Variants in MAGI1 observed in about 807,000 individuals in gnomAD.
MAGI1 encodes the protein membrane associated guanylate kinase, WW and PDZ domain containing 1, also known as membrane-associated guanylate kinase, WW and PDZ domain-containing protein 1.
In MAGI1, 58 loss-of-function variants were observed where a neutral mutation model predicts 139.9. The ratio of observed to expected loss-of-function variants is 0.41; its 90% CI spans 0.34 to 0.52. The LOEUF (loss-of-function observed/expected upper bound fraction) is 0.52. MAGI1 is among the 20% of genes least tolerant of loss of function. The pLI is 0.12. For missense variants in MAGI1, 1,874 were observed against 1,901.6 expected (o/e 0.99, Z 0.27); for synonymous variants, 812 against 737.9 (o/e 1.10, Z -1.63).
At position 65,683,125 on chromosome 3, in the gene MAGI1, C is replaced by T. The variant is rs116548759; in HGVS notation, c.314-61037G>A. ...CTTGCTTGCTGCTGCTCACCTCCAG[C>T]TGTGCAGCCCAGTTCCTAACAGGCC... On this transcript the variant is annotated intron_variant, in intron 1 of 22. Transcript: ENST00000402939. 7.6e-3 allele frequency among the ~76,000 whole-genome samples: 1,162 copies of T among 152,228 alleles called. 10 individuals carry two copies. The highest frequency in any genetic ancestry group is 0.027 in the African/African-American group (1,125 of 41,530).
At chr3:65,616,209 TGGA>T (rs1279558111) in intron 2 of MAGI1, among the ~76,000 whole-genome samples, 2 of 104,296 alleles carry the variant, frequency 1.9e-5, no homozygotes, top group Non-Finnish European at 2.0e-5. Flanking sequence ...TACGTTTCAA[TGGA>T]GAAGGACAGG....
intron 1 of MAGI1, among the ~76,000 whole-genome samples, chr3:65,962,189 C>G (rs2064468103): frequency 6.8e-6 from 1 of 145,986 alleles, no homozygotes; most frequent in Non-Finnish European, 1.5e-5. Context: ...GTGGTGCGAT[C>G]TCCGTTCACT....
rs886715118 is a variant in MAGI1, at chr3:65,380,025, G to A, written c.2702-471C>T. Among the ~76,000 whole-genome samples the A allele has an allele frequency of 4.6e-5, 7 of 152,172 alleles. No homozygotes were observed. The South Asian group carries it at 6.2e-4, about 14-fold the overall frequency. On this transcript the variant is annotated intron_variant, in intron 16 of 22. Coordinates refer to ENST00000402939, the MANE Select transcript of MAGI1 (RefSeq NM_001033057.2). The stretch of plus-strand genomic sequence containing the variant: ...TTCCACCCAGCTTTTTCCATCAGGC[G>A]ACAAACAGTAAGGTGATGGTAACGT...
At chr3:65,822,928 A>C (rs1056556401) in intron 1 of MAGI1, among the ~76,000 whole-genome samples, 1 of 152,214 alleles carries the variant, frequency 6.6e-6, no homozygotes, top group African/African-American at 2.4e-5. Context: ...ACAATTTGAC[A>C]TGAGATTTGG....
intron 2 of MAGI1, among the ~76,000 whole-genome samples, chr3:65,595,989 A>C (rs2082177222): frequency 6.6e-6 from 1 of 152,204 alleles, no homozygotes; most frequent in Non-Finnish European, 1.5e-5. Context: ...TGATACCATT[A>C]AACTGCTAAA....
intron 3 of MAGI1, 147 bp from the exon 4 acceptor site, chr3:65,478,945 T>A: frequency 1.5e-6 from 1 of 646,340 alleles, no homozygotes; most frequent in Non-Finnish European, 2.7e-6. Context: ...TGGAGTGGGT[T>A]AGAAGAGATA....
At chr3:65,788,642 A>C (rs1239041760) in intron 1 of MAGI1, among the ~76,000 whole-genome samples, 1 of 152,160 alleles carries the variant, frequency 6.6e-6, no homozygotes, top group Non-Finnish European at 1.5e-5. Context: ...AGCTCACTCT[A>C]AATTACTTCC....
intron 1 of MAGI1, among the ~76,000 whole-genome samples, chr3:65,725,656 A>T (rs1275818893): frequency 6.6e-6 from 1 of 152,184 alleles, no homozygotes; most frequent in African/African-American, 2.4e-5. Flanking sequence ...CTTGAGTGTC[A>T]CCAAGCTAAC....
intron 1 of MAGI1, among the ~76,000 whole-genome samples, chr3:65,826,099 A>G (rs1303054207): frequency 6.6e-6 from 1 of 151,648 alleles, no homozygotes; most frequent in African/African-American, 2.4e-5. Context: ...GTGCACATAT[A>G]TACATGCATG....
At chr3:65,578,923 A>AG (rs1559688103) in intron 2 of MAGI1, among the ~76,000 whole-genome samples, 1 of 145,656 alleles carries the variant, frequency 6.9e-6, no homozygotes, top group Non-Finnish European at 1.5e-5. Flanking sequence ...TCTGTCTCCA[A>AG]AGAGAGAGAG....
At chr3:65,529,925 T>A (rs1468524405) in intron 2 of MAGI1, among the ~76,000 whole-genome samples, 1 of 152,176 alleles carries the variant, frequency 6.6e-6, no homozygotes, top group Admixed American at 6.5e-5. Context: ...TCTTTCTCCA[T>A]CATTAGCTGA....
intron 1 of MAGI1, among the ~76,000 whole-genome samples, chr3:65,788,016 C>A (rs149759956): frequency 1.4e-3 from 218 of 152,264 alleles, no homozygotes; most frequent in Non-Finnish European, 2.4e-3. Context: ...TGCAAAGTTA[C>A]AGGTTGCATT....
chr3:65,722,743 G>T (rs978197538), intron 1 of MAGI1, among the ~76,000 whole-genome samples: 1 of 150,012 alleles, frequency 6.7e-6, no homozygotes, highest in Non-Finnish European at 1.5e-5. Flanking sequence ...TGACATGAAA[G>T]CCTCAAGAAA....
intron 1 of MAGI1, among the ~76,000 whole-genome samples, chr3:65,880,523 A>G (rs924003124): frequency 5.9e-5 from 9 of 152,196 alleles, no homozygotes; most frequent in Non-Finnish European, 1.2e-4. Context: ...TTGGCAGGAC[A>G]ATTATGAACA....
At chr3:65,610,187 G>C (rs1352303128) in intron 2 of MAGI1, among the ~76,000 whole-genome samples, 1 of 152,140 alleles carries the variant, frequency 6.6e-6, no homozygotes, top group East Asian at 1.9e-4. Flanking sequence ...GACTCAAGTG[G>C]ATTGGAATGG....
At chr3:65,529,794 A>C (rs1429991106) in intron 2 of MAGI1, among the ~76,000 whole-genome samples, 2 of 152,066 alleles carry the variant, frequency 1.3e-5, no homozygotes, top group African/African-American at 4.8e-5. Context: ...CATAACACAC[A>C]TAAAAATGTA....
At chr3:65,572,225 A>G (rs2080992905) in intron 2 of MAGI1, among the ~76,000 whole-genome samples, 1 of 152,154 alleles carries the variant, frequency 6.6e-6, no homozygotes, top group African/African-American at 2.4e-5. Context: ...ATAGAAAGGA[A>G]CTATAATTAT....
chr3:65,991,161 C>T (rs369730363), intron 1 of MAGI1, among the ~76,000 whole-genome samples: 1 of 151,502 alleles, frequency 6.6e-6, no homozygotes. Flanking sequence ...TGGTAGCATG[C>T]GCCTGTAGTC....
At chr3:65,715,023 G>C (rs1482493764) in intron 1 of MAGI1, among the ~76,000 whole-genome samples, 1 of 152,050 alleles carries the variant, frequency 6.6e-6, no homozygotes, top group African/African-American at 2.4e-5. Flanking sequence ...GATGGGGAGA[G>C]GGGTAGAGAT....
Sources: gnomAD v4.1 joint callset for allele counts (sites outside exome capture counted in the v4.1 genomes callset) on GRCh38, gnomAD v4.1.1 for gene constraint, MANE v1.5 for transcripts, NCBI Gene and HGNC (gene_info 2026-07-23, HGNC 2026-07-21) for gene names.